The following CAPZA1 variants were observed in gnomAD, a reference collection of about 807,000 sequenced individuals.
CAPZA1 encodes the protein F-actin-capping protein subunit alpha-1.
Under a neutral mutation model 40.8 loss-of-function variants are expected in CAPZA1, and 10 were observed. That is an observed-to-expected ratio of 0.25 (90% CI 0.15 to 0.42). CAPZA1 has a LOEUF of 0.42. Among genes scored for constraint, CAPZA1 ranks in the 10% least tolerant of loss-of-function variants. The probability of loss-of-function intolerance (pLI) is 1.00; values close to 1 mark genes in which losing one functional copy is unlikely to be tolerated. For missense variants in CAPZA1, 277 were observed against 353.8 expected, an observed-to-expected ratio of 0.78 and a Z score of 1.74; for synonymous variants, 98 against 115.0, an observed-to-expected ratio of 0.85 and a Z score of 0.95.
At chr1:112,635,682 A>C (rs986452671) in intron 1 of CAPZA1, among the ~76,000 whole-genome samples, 1 of 151,760 alleles carries the variant, frequency 6.6e-6, no homozygotes, top group Non-Finnish European at 1.5e-5. Context: ...TCGGCATCTG[A>C]AAGTGCTGGG....
chr1:112,660,656 G>T (rs1042427458), intron 7 of CAPZA1, among the ~76,000 whole-genome samples: 2 of 152,150 alleles, frequency 1.3e-5, no homozygotes, highest in African/African-American at 4.8e-5. Flanking sequence ...TTTGATGCCT[G>T]TCTGGATTGA....
At chr1:112,624,403 G>A (rs146173766) in intron 1 of CAPZA1, among the ~76,000 whole-genome samples, 2 of 152,028 alleles carry the variant, frequency 1.3e-5, no homozygotes, top group African/African-American at 4.8e-5. Context: ...GAGGTCAGGA[G>A]TTAGAGACCA....
intron 4 of CAPZA1, among the ~76,000 whole-genome samples, 165 bp from the exon 5 acceptor site, chr1:112,654,300 A>G (rs1671455990): frequency 6.6e-6 from 1 of 152,222 alleles, no homozygotes; most frequent in Non-Finnish European, 1.5e-5. Flanking sequence ...TTATTCATAA[A>G]TACAATATTC....
intron 1 of CAPZA1, among the ~76,000 whole-genome samples, chr1:112,623,433 C>G (rs529638171): frequency 5.7e-4 from 87 of 152,324 alleles, no homozygotes; most frequent in African/African-American, 2.0e-3. Flanking sequence ...GTGACCCCAA[C>G]ACTCTGGGAG....
intron 7 of CAPZA1, among the ~76,000 whole-genome samples, chr1:112,663,358 A>AT (rs1224881193): frequency 6.6e-6 from 1 of 152,160 alleles, no homozygotes; most frequent in Non-Finnish European, 1.5e-5. Context: ...ACCTACTTGT[A>AT]TTTTAAATAT....
At chr1:112,667,329 C>T (rs767781052) in intron 8 of CAPZA1, among the ~76,000 whole-genome samples, 184 bp downstream of exon 8, 16 of 152,190 alleles carry the variant, frequency 1.1e-4, no homozygotes, top group Non-Finnish European at 2.2e-4. Context: ...GTTTTTGACT[C>T]ACAATATTGA....
In CAPZA1 at chr1:112,656,466, T is replaced by TTTTTTTTTC. The variant is rs1553180448; in HGVS notation, c.426+1795_426+1796insTTTTTTTTC. On this transcript the variant is annotated intron_variant, in intron 5 of 9. Transcript: ENST00000263168. ...TTTTTTTTTTTTTTTTTTTTTTTTT[T>TTTTTTTTTC]AATGAGAATACCCATTATGGTGGAC... 1.1e-3 allele frequency among the ~76,000 whole-genome samples: 104 copies of TTTTTTTTTC among 94,404 alleles called. 23 individuals carry two copies. Among genetic ancestry groups the TTTTTTTTTC allele is most frequent in the South Asian group, 5.4e-3 (12 of 2,226 alleles). The allele number at this position is 94,404 out of a possible 152,430, so 61.9% of individuals were successfully genotyped here. A position where few individuals can be genotyped will look rare whatever the true frequency, so the allele number is the denominator to read the frequency against.
chr1:112,635,673 C>T (rs1465940615), intron 1 of CAPZA1, among the ~76,000 whole-genome samples: 2 of 151,778 alleles, frequency 1.3e-5, no homozygotes, highest in Non-Finnish European at 2.9e-5. Flanking sequence ...TGACCTGCCT[C>T]GGCATCTGAA....
chr1:112,635,990 C>G (rs888758693), intron 1 of CAPZA1, among the ~76,000 whole-genome samples: 8 of 152,160 alleles, frequency 5.3e-5, no homozygotes, highest in African/African-American at 9.6e-5. Flanking sequence ...GATCGCGCCA[C>G]TGCACTCCAG....
chr1:112,669,702 C>A, intron 9 of CAPZA1, 97 bp downstream of exon 9: 1 of 910,400 alleles, frequency 1.1e-6, no homozygotes, highest in Non-Finnish European at 1.7e-6. Flanking sequence ...TGTAAATATA[C>A]ATGCTCTTCA....
chr1:112,648,945 A>G (rs565326284), intron 2 of CAPZA1, among the ~76,000 whole-genome samples: 1 of 150,360 alleles, frequency 6.7e-6, no homozygotes, highest in East Asian at 2.0e-4. Context: ...CCTAGGCGAC[A>G]GGAGTGAGAC....
At chr1:112,660,826 A>T (rs1052701856) in intron 7 of CAPZA1, among the ~76,000 whole-genome samples, 2 of 147,164 alleles carry the variant, frequency 1.4e-5, no homozygotes, top group East Asian at 4.0e-4. Context: ...AACAACAATT[A>T]CCAAGAGTTG....
chr1:112,646,201 A>C (rs1324555009), intron 1 of CAPZA1, among the ~76,000 whole-genome samples: 2 of 152,202 alleles, frequency 1.3e-5, no homozygotes, highest in East Asian at 1.9e-4. Flanking sequence ...TAACAGGAGA[A>C]ATATTTTCCA....
At chr1:112,628,780 T>C (rs1229508240) in intron 1 of CAPZA1, among the ~76,000 whole-genome samples, 1 of 152,232 alleles carries the variant, frequency 6.6e-6, no homozygotes. Context: ...TTCCATTCTT[T>C]AGTTGCTCAG....
rs1671805456 is a variant in CAPZA1, at chr1:112,670,363, T to TTTC, written c.*233_*234insCTT. 6 of 110,268 alleles carry TTTC rather than the reference T, an allele frequency of 5.4e-5. No homozygotes were observed. The highest frequency in any genetic ancestry group is 4.6e-4 in the South Asian group (5 of 10,948). 6.8% of individuals were successfully genotyped at this position (110,268 alleles called of 1,614,324 possible). A position where few individuals can be genotyped will look rare whatever the true frequency, so the allele number is the denominator to read the frequency against. On this transcript the variant is annotated 3_prime_UTR_variant, in exon 10 of 10. Transcript: ENST00000263168. ...ATATCTACGTGTAAATCTTTTTTTC[T>TTTC]TTTTTTTTTTTTTTTTTTGGTTAAT...
intron 1 of CAPZA1, among the ~76,000 whole-genome samples, chr1:112,640,023 C>T (rs1671111579): frequency 1.7e-5 from 2 of 117,828 alleles, no homozygotes; most frequent in African/African-American, 3.2e-5. Flanking sequence ...GGGGGGTCAG[C>T]CCCCCGCCCG....
chr1:112,630,820 A>G (rs1232476068), intron 1 of CAPZA1, among the ~76,000 whole-genome samples: 1 of 152,186 alleles, frequency 6.6e-6, no homozygotes, highest in Non-Finnish European at 1.5e-5. Context: ...ACTGAGGGCT[A>G]TTATTTGTAT....
At chr1:112,652,758 C>T (rs1671419325) in intron 3 of CAPZA1, among the ~76,000 whole-genome samples, 1 of 151,582 alleles carries the variant, frequency 6.6e-6, no homozygotes, top group Non-Finnish European at 1.5e-5. Context: ...AAGACTGATA[C>T]TTTTTAAGAA....
intron 1 of CAPZA1, among the ~76,000 whole-genome samples, chr1:112,621,761 G>GTTTTTTTTTTT (rs11418884): frequency 8.1e-6 from 1 of 122,906 alleles, no homozygotes; most frequent in South Asian, 2.6e-4. Context: ...TTGGGTTATG[G>GTTTTTTTTTTT]TTTTTTTTTT....
Sources: gnomAD v4.1 joint callset for allele counts (sites outside exome capture counted in the v4.1 genomes callset) on GRCh38, gnomAD v4.1.1 for gene constraint, MANE v1.5 for transcripts, NCBI Gene and HGNC (gene_info 2026-07-23, HGNC 2026-07-21) for gene names.